The following SCAPER variants were observed in gnomAD, a reference collection of about 807,000 sequenced individuals.
SCAPER encodes S phase cyclin A-associated protein in the endoplasmic reticulum.
A neutral mutation model predicts 182.2 loss-of-function variants in SCAPER; 98 were observed. The ratio of observed to expected loss-of-function variants is 0.54; its 90% confidence interval spans 0.46 to 0.64. The LOEUF is 0.64. Among genes scored for constraint, SCAPER ranks in the 30% least tolerant of loss-of-function variants. SCAPER has a pLI of 0.00. For missense variants in SCAPER, 1,432 were observed against 1,690.0 expected (o/e 0.85, Z 2.68); for synonymous variants, 605 against 564.6 (o/e 1.07, Z -1.01).
At chr15:76,451,526 A>T (rs1036430598) in intron 25 of SCAPER, among the ~76,000 whole-genome samples, 3 of 152,248 alleles carry the variant, frequency 2.0e-5, no homozygotes, top group African/African-American at 4.8e-5. Context: ...ATGCAACTAC[A>T]TACTGAAGTG....
chr15:76,686,521 T>TTATATACCA (rs1478052760), intron 20 of SCAPER, among the ~76,000 whole-genome samples: 2 of 152,044 alleles, frequency 1.3e-5, no homozygotes, highest in Non-Finnish European at 2.9e-5. Flanking sequence ...AATTGAACAT[T>TTATATACCA]TATATACCAT....
At chr15:76,867,630 A>G (rs149998322) in intron 2 of SCAPER, among the ~76,000 whole-genome samples, 98 of 152,334 alleles carry the variant, frequency 6.4e-4, no homozygotes, top group African/African-American at 2.2e-3. Context: ...TCACTAGCCT[A>G]TACACTAAAT....
chr15:76,817,022 C>T (rs2067142845), intron 5 of SCAPER, among the ~76,000 whole-genome samples: 1 of 152,170 alleles, frequency 6.6e-6, no homozygotes, highest in African/African-American at 2.4e-5. Flanking sequence ...CACTATACTT[C>T]CATGCAACTG....
At chr15:76,748,013 G>A (rs573613542) in intron 15 of SCAPER, among the ~76,000 whole-genome samples, 32 of 146,504 alleles carry the variant, frequency 2.2e-4, no homozygotes, top group East Asian at 7.9e-4. Flanking sequence ...TTTTTGAGAC[G>A]GAGTTTCGCT....
chr15:76,510,888 T>TGCGC (rs934891709), intron 23 of SCAPER, among the ~76,000 whole-genome samples: 6 of 141,206 alleles, frequency 4.2e-5, no homozygotes, highest in African/African-American at 1.3e-4. Flanking sequence ...TGTGTGTGTG[T>TGCGC]GCGCGCGCGC....
chr15:76,511,843 ATGTGTGTGTG>A (rs1555461783), intron 23 of SCAPER, among the ~76,000 whole-genome samples: 1 of 123,296 alleles, frequency 8.1e-6, no homozygotes, highest in Non-Finnish European at 1.6e-5. Flanking sequence ...ATATATATAT[ATGTGTGTGTG>A]TGTGTGTGTG....
chr15:76,631,425 T>TAA (rs1375053479), intron 21 of SCAPER, among the ~76,000 whole-genome samples: 18 of 151,782 alleles, frequency 1.2e-4, no homozygotes. Flanking sequence ...TAGTGGCTGG[T>TAA]AACGTTCTTT....
chr15:76,444,181 C>T (rs1053539491), intron 25 of SCAPER, among the ~76,000 whole-genome samples: 32 of 152,142 alleles, frequency 2.1e-4, no homozygotes, highest in African/African-American at 7.2e-4. Flanking sequence ...ATTGGGCATC[C>T]ACCTTTCAGT....
In SCAPER at chr15:76,600,201, T is replaced by C. The variant is rs1192687236; in HGVS notation, c.2711+21563A>G. On this transcript the variant is annotated intron_variant, in intron 22 of 31. Transcript: ENST00000563290. ...GCTAGAAAAACTACAGAAATATCTATTATGATATTCACACTTTGTACCAAA... is the reference window on the plus strand; with the variant it reads ...GCTAGAAAAACTACAGAAATATCTACTATGATATTCACACTTTGTACCAAA... Among the ~76,000 whole-genome samples, 3 of 120,456 alleles carry C rather than the reference T, an allele frequency of 2.5e-5. 1 individual carries two copies. The highest frequency in any genetic ancestry group is 4.0e-5 in the Non-Finnish European group (2 of 49,872). 79.0% of individuals were successfully genotyped at this position (120,456 alleles called of 152,430 possible). A position where few individuals can be genotyped will look rare whatever the true frequency, so the allele number is the denominator to read the frequency against.
At position 76,793,203 on chromosome 15, in the gene SCAPER, C is replaced by T. The variant is rs567308268; in HGVS notation, c.772+2077G>A. Reference sequence around the variant, plus strand: ...ATTACAAACTTCAGTTCTATAGCTACTGTTATTATATATTACTTGAAGTAT... The same window carrying T: ...ATTACAAACTTCAGTTCTATAGCTATTGTTATTATATATTACTTGAAGTAT... On this transcript the variant is annotated intron_variant, in intron 8 of 31. Coordinates refer to ENST00000563290, the MANE Select transcript of SCAPER (RefSeq NM_020843.4). 3.5e-6 allele frequency: 4 copies of T among 1,147,608 alleles called. No individual in the cohort carries two copies. In the South Asian group the frequency reaches 5.6e-5, roughly 16 times the overall value. 71.1% of individuals were successfully genotyped at this position (1,147,608 alleles called of 1,614,324 possible). A position where few individuals can be genotyped will look rare whatever the true frequency, so the allele number is the denominator to read the frequency against.
intron 25 of SCAPER, among the ~76,000 whole-genome samples, chr15:76,440,944 C>T (rs1248063272): frequency 1.1e-4 from 10 of 89,552 alleles, no homozygotes; most frequent in African/African-American, 4.0e-4. Context: ...TTTTTGGGGA[C>T]GGAGTCTGGC....
At chr15:76,574,569 AT>A (rs1209611841) in intron 22 of SCAPER, among the ~76,000 whole-genome samples, 1 of 152,194 alleles carries the variant, frequency 6.6e-6, no homozygotes, top group African/African-American at 2.4e-5. Context: ...TGATTCTTAA[AT>A]TAGAACAGAA....
intron 1 of SCAPER, among the ~76,000 whole-genome samples, chr15:76,890,465 A>G (rs2074101144): frequency 6.6e-6 from 1 of 152,216 alleles, no homozygotes; most frequent in Non-Finnish European, 1.5e-5. Flanking sequence ...AATAGATGCA[A>G]TAAAAAATGA....
chr15:76,677,915 G>T (rs1202623216), intron 20 of SCAPER, among the ~76,000 whole-genome samples: 1 of 151,760 alleles, frequency 6.6e-6, no homozygotes, highest in Non-Finnish European at 1.5e-5. Flanking sequence ...AAGAATAAAA[G>T]TTCTAAAAAT....
chr15:76,767,016 C>G lies in SCAPER; in HGVS notation c.1321G>C (p.Ala441Pro). 1 of 1,606,350 alleles carries G rather than the reference C, an allele frequency of 6.2e-7. No homozygotes were observed. The highest frequency in any genetic ancestry group is 8.5e-7 in the Non-Finnish European group (1 of 1,175,730). The change falls in exon 11 of 32, where the codon GCT becomes CCT. Residue 441 changes from alanine (A) to proline (P), a missense_variant. Around this residue, in one of 5 missense-constraint regions of SCAPER, gnomAD observed 18 missense variants for 46.0 expected, o/e 0.39. Transcript: ENST00000563290. Reference protein sequence around the residue: ...RLEKANEEAIASAIAEEEQLT... With the variant: ...RLEKANEEAIPSAIAEEEQLT... ...TGTTCTTCTTCAGCAATAGCACTAG[C>G]AATGGCTTCTTCATTGGCCTTTTCT...
At chr15:76,605,872 C>T (rs2050343039) in intron 22 of SCAPER, among the ~76,000 whole-genome samples, 1 of 152,058 alleles carries the variant, frequency 6.6e-6, no homozygotes, top group East Asian at 1.9e-4. Context: ...TGGTGATATC[C>T]CCTTTATCTT....
chr15:76,371,492 G>A (rs1438687722), intron 29 of SCAPER, among the ~76,000 whole-genome samples: 4 of 151,476 alleles, frequency 2.6e-5, no homozygotes, highest in Non-Finnish European at 5.9e-5. Flanking sequence ...GCTAATTTTT[G>A]TGTTTGTAGT....
intron 8 of SCAPER, among the ~76,000 whole-genome samples, chr15:76,782,227 G>A (rs1002222749): frequency 2.6e-5 from 4 of 151,866 alleles, no homozygotes; most frequent in African/African-American, 4.8e-5. Flanking sequence ...AAAAAACAGG[G>A]GTTGCAATCC....
At chr15:76,401,415 C>A (rs1434179244) in intron 27 of SCAPER, among the ~76,000 whole-genome samples, 1 of 152,160 alleles carries the variant, frequency 6.6e-6, no homozygotes, top group East Asian at 1.9e-4. Context: ...CTTACTGGCC[C>A]TCAACATGTC....
Sources: allele counts gnomAD v4.1 joint callset (sites outside exome capture counted in the v4.1 genomes callset), GRCh38; gene constraint gnomAD v4.1.1; regional missense constraint gnomAD v4.1.1; transcripts MANE v1.5; gene names NCBI Gene and HGNC (gene_info 2026-07-23, HGNC 2026-07-21).